EML6: variants seen among roughly 807,000 people sequenced by gnomAD.
The protein encoded by EML6 is echinoderm microtubule-associated protein-like 6.
EML6 carries 154 observed loss-of-function variants against 240.1 expected under a neutral mutation model. The observed-to-expected ratio is 0.64, with a 90% CI of 0.56 to 0.73. The LOEUF is 0.73. EML6 is among the 30% of genes least tolerant of loss of function. The pLI is 0.00. For missense variants in EML6, 2,964 were observed against 2,474.6 expected, an observed-to-expected ratio of 1.20 and a Z score of -4.20; for synonymous variants, 1,148 against 899.0, an observed-to-expected ratio of 1.28 and a Z score of -4.95.
intron 28 of EML6, among the ~76,000 whole-genome samples, chr2:54,947,174 A>C (rs1675734533): frequency 6.6e-6 from 1 of 152,138 alleles, no homozygotes; most frequent in South Asian, 2.1e-4. Context: ...CATACACTTA[A>C]ACGTTCTTAG....
intron 11 of EML6, 62 bp from the exon 12 acceptor site, chr2:54,859,469 GGTT>G: frequency 1.6e-6 from 2 of 1,234,482 alleles, no homozygotes; most frequent in Admixed American, 2.4e-5. Flanking sequence ...ACAGAAGGGG[GGTT>G]GTTTTAAACT....
In EML6 at chr2:54,956,403, T is replaced by TTGTC. The variant is rs1405681959; in HGVS notation, c.4487-1385_4487-1382dup. 5.6e-4 allele frequency among the ~76,000 whole-genome samples: 17 copies of TTGTC among 30,320 alleles called. No individual in the cohort carries two copies. In the East Asian group the frequency reaches 6.2e-3, roughly 11 times the overall value. 19.9% of individuals were successfully genotyped at this position (30,320 alleles called of 152,430 possible). A position where few individuals can be genotyped will look rare whatever the true frequency, so the allele number is the denominator to read the frequency against. On this transcript the variant is annotated intron_variant, in intron 32 of 41. Coordinates refer to ENST00000356458, the MANE Select transcript of EML6 (RefSeq NM_001039753.4). The stretch of plus-strand genomic sequence containing the variant: ...CCTTTTACTACTTGGAGTGGGAGGG[T>TTGTC]TGTCTTTTACTTATAATTTGTAGTT...
At chr2:54,752,327 A>G (rs1316207804) in intron 2 of EML6, among the ~76,000 whole-genome samples, 3 of 152,200 alleles carry the variant, frequency 2.0e-5, no homozygotes, top group Admixed American at 6.5e-5. Flanking sequence ...TAACACATAT[A>G]TAAAAAAGTA....
chr2:54,887,513 A>C (rs1258399697), intron 17 of EML6, among the ~76,000 whole-genome samples: 1 of 152,144 alleles, frequency 6.6e-6, no homozygotes, highest in Non-Finnish European at 1.5e-5. Context: ...CAAAAGGTTT[A>C]TATTTTTATG....
chr2:54,754,225 C>T (rs912912387), intron 2 of EML6, among the ~76,000 whole-genome samples: 2 of 152,012 alleles, frequency 1.3e-5, no homozygotes, highest in African/African-American at 4.8e-5. Flanking sequence ...AATCCTCCTG[C>T]CTCAGCCTCT....
intron 28 of EML6, among the ~76,000 whole-genome samples, chr2:54,931,617 C>T (rs557804949): frequency 1.1e-4 from 16 of 152,264 alleles, no homozygotes; most frequent in East Asian, 1.9e-4. Context: ...TTGGTGTTCC[C>T]GTCATCGTGC....
At chr2:54,727,219 G>T (rs1215866306) in intron 2 of EML6, among the ~76,000 whole-genome samples, 1 of 137,392 alleles carries the variant, frequency 7.3e-6, no homozygotes, top group Non-Finnish European at 1.5e-5. Context: ...TATTCATTAA[G>T]CTACTTTAGT....
intron 22 of EML6, among the ~76,000 whole-genome samples, chr2:54,901,108 C>A (rs1026177860): frequency 2.6e-5 from 4 of 152,186 alleles, no homozygotes; most frequent in Non-Finnish European, 5.9e-5. Context: ...CAGCTCTTTC[C>A]ATGTAGTCTT....
chr2:54,969,371 G>C (rs751815976), intron 41 of EML6, among the ~76,000 whole-genome samples: 3 of 152,130 alleles, frequency 2.0e-5, no homozygotes, highest in African/African-American at 4.8e-5. Context: ...TCTGAGTTAG[G>C]TTGTAAGAAA....
intron 6 of EML6, among the ~76,000 whole-genome samples, chr2:54,828,120 G>T (rs1015746894): frequency 6.6e-6 from 1 of 152,160 alleles, no homozygotes; most frequent in African/African-American, 2.4e-5. Flanking sequence ...CGATGAAGTC[G>T]CCACAGCTCA....
In EML6 at chr2:54,827,645, G is replaced by T. The variant is rs1302648796; in HGVS notation, c.605G>T (p.Cys202Phe). 6 of 1,551,666 alleles carry T rather than the reference G, an allele frequency of 3.9e-6. No homozygotes were observed. Reference protein sequence around the residue: ...GKTGDLQTILCLACAKEDITY... With the variant: ...GKTGDLQTILFLACAKEDITY... ...ACAGGGGATCTTCAGACCATCCTTT[G>T]CCTTGCATGTGCCAAAGAAGACATC... The change falls in exon 6 of 42, where the codon TGC becomes TTC. Residue 202 changes from cysteine to phenylalanine, a missense_variant. Coordinates refer to ENST00000356458, the MANE Select transcript of EML6 (RefSeq NM_001039753.4).
rs186502058 is a variant in EML6, at chr2:54,913,908, A to G, written c.3499-2851A>G. 8.5e-5 allele frequency among the ~76,000 whole-genome samples: 13 copies of G among 152,308 alleles called. No individual in the cohort carries two copies. The East Asian group carries it at 1.4e-3, about 16-fold the overall frequency. ...CAGTTATCCCAGCACCATATATTTAACAGAGAGTCCTTTCCCCATTGCTTA... is the reference window on the plus strand; with the variant it reads ...CAGTTATCCCAGCACCATATATTTAGCAGAGAGTCCTTTCCCCATTGCTTA... On this transcript the variant is annotated intron_variant, in intron 25 of 41. Transcript: ENST00000356458.
chr2:54,962,089 T>TG (rs1676546038), intron 35 of EML6, among the ~76,000 whole-genome samples: 2 of 150,054 alleles, frequency 1.3e-5, no homozygotes, highest in Non-Finnish European at 1.5e-5. Flanking sequence ...ACTTGTTTTT[T>TG]TTTTTTTTTT....
chr2:54,788,393 A>C (rs1427120227), intron 2 of EML6, among the ~76,000 whole-genome samples: 1 of 152,178 alleles, frequency 6.6e-6, no homozygotes, highest in East Asian at 1.9e-4. Context: ...GAAGATCTAC[A>C]AGGGTGGCTG....
chr2:54,873,394 G>T lies in EML6; in HGVS notation c.2344+1789G>T, dbSNP rs573872405. On this transcript the variant is annotated intron_variant, in intron 16 of 41. Transcript: ENST00000356458. ...TAAGTGTCAAGGGAGAGAGAACTCCGCATACCACCTGCCAGCTGAATAACA... is the reference window on the plus strand; with the variant it reads ...TAAGTGTCAAGGGAGAGAGAACTCCTCATACCACCTGCCAGCTGAATAACA... Among the ~76,000 whole-genome samples, 3 of 152,278 alleles carry T rather than the reference G, an allele frequency of 2.0e-5. No individual in the cohort carries two copies. In the East Asian group the frequency reaches 5.8e-4, roughly 29 times the overall value.
At chr2:54,889,894 C>CT (rs1672375166) in intron 17 of EML6, among the ~76,000 whole-genome samples, 1 of 152,188 alleles carries the variant, frequency 6.6e-6, no homozygotes, top group South Asian at 2.1e-4. Context: ...GACGAATAAG[C>CT]TATTCCAGTG....
chr2:54,951,331 G>A (rs1675965488), intron 30 of EML6, among the ~76,000 whole-genome samples: 1 of 151,990 alleles, frequency 6.6e-6, no homozygotes, highest in Admixed American at 6.6e-5. Flanking sequence ...TCAGGAGTTC[G>A]AGACCAGCCC....
intron 7 of EML6, among the ~76,000 whole-genome samples, chr2:54,832,282 T>A (rs979000689): frequency 2.6e-5 from 4 of 152,194 alleles, no homozygotes; most frequent in Non-Finnish European, 4.4e-5. Context: ...TTGCTCTGAA[T>A]CCCTCTCTAA....
intron 25 of EML6, among the ~76,000 whole-genome samples, chr2:54,913,243 C>CTT (rs201560861): frequency 2.8e-5 from 4 of 144,570 alleles, no homozygotes; most frequent in Non-Finnish European, 3.1e-5. Context: ...CTTTTGCCCA[C>CTT]TTTTTTTTTT....
Sources: allele counts gnomAD v4.1 joint callset (sites outside exome capture counted in the v4.1 genomes callset), GRCh38; gene constraint gnomAD v4.1.1; transcripts MANE v1.5; gene names NCBI Gene and HGNC (gene_info 2026-07-23, HGNC 2026-07-21).